PCDHGA9: variants seen among roughly 807,000 people sequenced by gnomAD.
PCDHGA9 encodes the protein protocadherin gamma-A9.
A neutral mutation model predicts 62.5 loss-of-function variants in PCDHGA9; 37 were observed. The observed-to-expected ratio is 0.59, with a 90% CI of 0.46 to 0.78. The LOEUF (loss-of-function observed/expected upper bound fraction) is 0.78. Ranked by LOEUF, PCDHGA9 falls within the 30% of genes least tolerant of loss-of-function variation. The pLI is 0.00. For missense variants in PCDHGA9, 1,138 were observed against 1,166.2 expected, an observed-to-expected ratio of 0.98 and a Z score of 0.35; for synonymous variants, 459 against 484.6, an observed-to-expected ratio of 0.95 and a Z score of 0.69.
intron 1 of PCDHGA9, among the ~76,000 whole-genome samples, chr5:141,435,840 T>G (rs1408413470): frequency 6.6e-6 from 1 of 152,118 alleles, no homozygotes; most frequent in Non-Finnish European, 1.5e-5. Context: ...CCTATCTACT[T>G]TGAAAGATAC....
intron 1 of PCDHGA9, among the ~76,000 whole-genome samples, chr5:141,448,855 G>A (rs2098611434): frequency 6.6e-6 from 1 of 152,172 alleles, no homozygotes. Context: ...TGAGGCAGGA[G>A]AATGGCGTGA....
At chr5:141,468,024 T>C (rs1386255481) in intron 1 of PCDHGA9, among the ~76,000 whole-genome samples, 1 of 152,046 alleles carries the variant, frequency 6.6e-6, no homozygotes, top group African/African-American at 2.4e-5. Flanking sequence ...TGAAGTAAAA[T>C]ACTTCATTTA....
At chr5:141,420,687 G>T (rs2096517632) in intron 1 of PCDHGA9, among the ~76,000 whole-genome samples, 1 of 152,182 alleles carries the variant, frequency 6.6e-6, no homozygotes, top group South Asian at 2.1e-4. Flanking sequence ...TATCGGGACC[G>T]TATTATTTCC....
chr5:141,456,824 G>A (rs2098890304), intron 1 of PCDHGA9, among the ~76,000 whole-genome samples: 2 of 152,170 alleles, frequency 1.3e-5, no homozygotes, highest in South Asian at 2.1e-4. Context: ...ATTAGCCATC[G>A]TGGTAGTGGG....
At chr5:141,421,318 C>A (rs370020854) in intron 1 of PCDHGA9, 1 of 1,613,822 alleles carries the variant, frequency 6.2e-7, no homozygotes. Context: ...CCGGGCCAGG[C>A]AGATCCGATA....
intron 3 of PCDHGA9, 31 bp downstream of exon 3, chr5:141,505,512 T>C (rs754223095): frequency 6.2e-7 from 1 of 1,613,676 alleles, no homozygotes; most frequent in South Asian, 1.1e-5. Context: ...TATGGAAGAG[T>C]GGGAGACCTG....
At position 141,413,874 on chromosome 5, in the gene PCDHGA9, T is replaced by G. The variant is rs1371905896; in HGVS notation, c.2424+8498T>G. ...TCCGATCTGGCACTGTCCTTGTCAG[T>G]GTGACTGTCTTCGATGCAAATGACA... is the stretch of plus-strand genomic sequence containing the variant. On this transcript the variant is annotated intron_variant, in intron 1 of 3. Coordinates refer to ENST00000573521, the MANE Select transcript of PCDHGA9 (RefSeq NM_018921.3). 6 of 1,613,306 alleles carry G rather than the reference T, an allele frequency of 3.7e-6. No homozygotes were observed. In the African/African-American group the frequency reaches 8.0e-5, roughly 22 times the overall value.
intron 1 of PCDHGA9, chr5:141,409,596 AC>A: frequency 6.2e-7 from 1 of 1,613,714 alleles, no homozygotes; most frequent in Non-Finnish European, 8.5e-7. Flanking sequence ...GCCGAGAACA[AC>A]CCGCCAGGAG....
intron 3 of PCDHGA9, among the ~76,000 whole-genome samples, chr5:141,506,621 G>A (rs143369587): frequency 1.3e-5 from 2 of 152,178 alleles, no homozygotes; most frequent in African/African-American, 4.8e-5. Flanking sequence ...GTGTTACCAG[G>A]GCCAAATGCA....
At chr5:141,510,519 C>A (rs182721864) in intron 3 of PCDHGA9, among the ~76,000 whole-genome samples, 1 of 152,260 alleles carries the variant, frequency 6.6e-6, no homozygotes, top group East Asian at 1.9e-4. Context: ...CGTGTCACAG[C>A]CCTGAGAGAA....
In PCDHGA9 at chr5:141,462,383, G is replaced by A. The variant is rs78537075; in HGVS notation, c.2425-32424G>A. Among the ~76,000 whole-genome samples the A allele has an allele frequency of 5.6e-4, 85 of 151,920 alleles. 1 individual carries two copies. In the East Asian group the frequency reaches 0.016, roughly 29 times the overall value. ...GTATAGTTTCTATTCTTTTAAATTC[G>A]TTAACATTTCTTTTATGGCACAGAA... On this transcript the variant is annotated intron_variant, in intron 1 of 3. Transcript: ENST00000573521.
intron 1 of PCDHGA9, among the ~76,000 whole-genome samples, chr5:141,435,547 G>T (rs2097769325): frequency 6.6e-6 from 1 of 152,114 alleles, no homozygotes. Context: ...AACAAAATGT[G>T]TTTTGAGTGC....
chr5:141,425,394 G>T (rs186813737), intron 1 of PCDHGA9, among the ~76,000 whole-genome samples: 10 of 152,302 alleles, frequency 6.6e-5, no homozygotes, highest in African/African-American at 2.4e-4. Context: ...TAGTGATAAA[G>T]TTCTGTTAAG....
chr5:141,475,388 G>C (rs1230010845), intron 1 of PCDHGA9, among the ~76,000 whole-genome samples: 8 of 152,170 alleles, frequency 5.3e-5, no homozygotes, highest in Non-Finnish European at 1.0e-4. Flanking sequence ...AATTTTATAA[G>C]CCAGAGTTAA....
chr5:141,486,170 C>T lies in PCDHGA9; in HGVS notation c.2425-8637C>T, dbSNP rs759946548. The stretch of plus-strand genomic sequence containing the variant: ...TGGGGGTTCTCCAGCCATGGAGCAA[C>T]ATTGCAGCCTTCGAGTGGATCTGCT... On this transcript the variant is annotated intron_variant, in intron 1 of 3. Coordinates refer to ENST00000573521, the MANE Select transcript of PCDHGA9 (RefSeq NM_018921.3). This position sits in a 1 kb window ranked among gnomAD's most constrained non-coding sequence, Gnocchi z 5.0. The T allele has an allele frequency of 1.5e-5, 24 of 1,614,116 alleles. No individual in the cohort carries two copies. Among genetic ancestry groups the T allele is most frequent in the South Asian group, 4.4e-5 (4 of 91,090 alleles).
rs199936765 is a variant in PCDHGA9 at position 141,408,488 on chromosome 5, T to G, written c.2424+3112T>G. Reference sequence around the variant, plus strand: ...GAACCGAATAGACCGTGAGCAAATATGCAAAGAGAGAAGAAGATGTGAGTT... The same window carrying G: ...GAACCGAATAGACCGTGAGCAAATAGGCAAAGAGAGAAGAAGATGTGAGTT... On this transcript the variant is annotated intron_variant, in intron 1 of 3. Transcript: ENST00000573521. 8.1e-5 allele frequency: 130 copies of G among 1,614,012 alleles called. No individual in the cohort carries two copies. The Middle Eastern group carries it at 1.8e-3, about 23-fold the overall frequency.
chr5:141,408,817 G>T (rs2095174337), intron 1 of PCDHGA9: 2 of 1,613,438 alleles, frequency 1.2e-6, no homozygotes, highest in Admixed American at 1.7e-5. Context: ...GGGAAGAACA[G>T]AGATCTCATA....
In PCDHGA9 at chr5:141,431,414, G is replaced by A. The variant is rs1184197093; in HGVS notation, c.2424+26038G>A. On this transcript the variant is annotated intron_variant, in intron 1 of 3. Coordinates refer to ENST00000573521, the MANE Select transcript of PCDHGA9 (RefSeq NM_018921.3). The surrounding 1 kb of genome is among the most constrained non-coding windows in gnomAD (Gnocchi z 4.8). ...GGTCCTTACGGCCTCCGACGGGGGC[G>A]ACCCGGTGCGCACAGGCACCGCGCG... The A allele has an allele frequency of 6.2e-7, 1 of 1,613,658 alleles. No homozygotes were observed. The highest frequency in any genetic ancestry group is 1.7e-5 in the Admixed American group (1 of 60,026).
chr5:141,430,629 C>A, intron 1 of PCDHGA9: 1 of 812,246 alleles, frequency 1.2e-6, no homozygotes. Context: ...AGGAATGAAC[C>A]ATCCCTGGGA....
Sources: gnomAD v4.1 joint callset for allele counts (sites outside exome capture counted in the v4.1 genomes callset) on GRCh38, gnomAD v4.1.1 for gene constraint, Gnocchi (gnomAD v3.1) non-coding constraint, MANE v1.5 for transcripts, NCBI Gene and HGNC (gene_info 2026-07-23, HGNC 2026-07-21) for gene names.